The following NKAIN2 variants were observed in gnomAD, a reference collection of about 807,000 sequenced individuals.
The protein encoded by NKAIN2 is sodium/potassium transporting ATPase interacting 2.
In NKAIN2, 14 loss-of-function variants were observed where a neutral mutation model predicts 32.6. That is an observed-to-expected ratio of 0.43 (90% confidence interval 0.28 to 0.67). The LOEUF (loss-of-function observed/expected upper bound fraction) is 0.67. Ranked by LOEUF, NKAIN2 falls within the 30% of genes least tolerant of loss-of-function variation. The pLI, the probability that NKAIN2 is intolerant of heterozygous loss-of-function variation, is 0.17. For missense variants in NKAIN2, 198 were observed against 258.3 expected, an observed-to-expected ratio of 0.77 and a Z score of 1.60; for synonymous variants, 80 against 87.2, an observed-to-expected ratio of 0.92 and a Z score of 0.46.
At chr6:124,540,332 C>T (rs1324340387) in intron 3 of NKAIN2, among the ~76,000 whole-genome samples, 1 of 152,218 alleles carries the variant, frequency 6.6e-6, no homozygotes, top group Admixed American at 6.5e-5. Flanking sequence ...AATTAAGTCT[C>T]ATGGGTCTAC....
chr6:124,165,242 T>C (rs991685436), intron 1 of NKAIN2, among the ~76,000 whole-genome samples: 1 of 152,040 alleles, frequency 6.6e-6, no homozygotes, highest in African/African-American at 2.4e-5. Flanking sequence ...AGAAGCTTTC[T>C]TTAATAATAG....
chr6:123,950,959 A>G (rs981192742), intron 1 of NKAIN2, among the ~76,000 whole-genome samples: 1 of 151,898 alleles, frequency 6.6e-6, no homozygotes, highest in African/African-American at 2.4e-5. Flanking sequence ...CTGCACTTGT[A>G]TCTCATAGAT....
At chr6:124,780,057 A>G (rs1274729049) in intron 4 of NKAIN2, among the ~76,000 whole-genome samples, 4 of 152,178 alleles carry the variant, frequency 2.6e-5, no homozygotes, top group African/African-American at 9.6e-5. Context: ...AAAAAATATT[A>G]TATTATGCTC....
chr6:124,222,646 T>C (rs1254020466), intron 1 of NKAIN2, among the ~76,000 whole-genome samples: 1 of 152,078 alleles, frequency 6.6e-6, no homozygotes, highest in Non-Finnish European at 1.5e-5. Flanking sequence ...AACAGAACTC[T>C]GGTCACTCCC....
At chr6:123,997,146 AG>A (rs926833074) in intron 1 of NKAIN2, among the ~76,000 whole-genome samples, 1 of 152,188 alleles carries the variant, frequency 6.6e-6, no homozygotes, top group Admixed American at 6.5e-5. Flanking sequence ...CAGAAGATAA[AG>A]GTGTTAAGAA....
chr6:124,174,254 T>A (rs1338506510), intron 1 of NKAIN2, among the ~76,000 whole-genome samples: 1 of 152,094 alleles, frequency 6.6e-6, no homozygotes, highest in Non-Finnish European at 1.5e-5. Context: ...TGCCACAGAA[T>A]CCTGAATTTG....
intron 4 of NKAIN2, among the ~76,000 whole-genome samples, chr6:124,681,855 T>C (rs999051409): frequency 3.3e-5 from 5 of 151,868 alleles, no homozygotes; most frequent in Admixed American, 1.3e-4. Flanking sequence ...AAACCAGAAA[T>C]AGAAATAAAA....
intron 3 of NKAIN2, among the ~76,000 whole-genome samples, chr6:124,485,946 G>A (rs1237173217): frequency 6.6e-6 from 1 of 152,136 alleles, no homozygotes; most frequent in African/African-American, 2.4e-5. Flanking sequence ...TTCGAGGTGT[G>A]AATTTCTTTC....
intron 1 of NKAIN2, among the ~76,000 whole-genome samples, chr6:123,873,792 C>T (rs996706779): frequency 2.0e-5 from 3 of 152,070 alleles, no homozygotes; most frequent in African/African-American, 7.2e-5. Context: ...TTCGTTATGC[C>T]TATAATTATC....
At chr6:123,911,425 A>G (rs1775172357) in intron 1 of NKAIN2, among the ~76,000 whole-genome samples, 1 of 151,922 alleles carries the variant, frequency 6.6e-6, no homozygotes, top group South Asian at 2.1e-4. Flanking sequence ...AGACTCTTCA[A>G]CAACCAGCTC....
intron 3 of NKAIN2, among the ~76,000 whole-genome samples, chr6:124,481,096 G>A (rs1174392658): frequency 6.6e-6 from 1 of 151,732 alleles, no homozygotes; most frequent in Admixed American, 6.6e-5. Context: ...CAAAAGGAAT[G>A]GGGGAAATGA....
At chr6:124,508,404 G>T (rs569753682) in intron 3 of NKAIN2, among the ~76,000 whole-genome samples, 2 of 151,740 alleles carry the variant, frequency 1.3e-5, no homozygotes, top group African/African-American at 4.8e-5. Flanking sequence ...GAGTGCAGTG[G>T]CTTGATCTCG....
At chr6:124,201,734 G>T (rs2114627470) in intron 1 of NKAIN2, among the ~76,000 whole-genome samples, 1 of 152,070 alleles carries the variant, frequency 6.6e-6, no homozygotes, top group Admixed American at 6.6e-5. Context: ...AACATGTGCT[G>T]CAAAGATGGT....
At chr6:124,131,120 C>CA (rs1387339101) in intron 1 of NKAIN2, among the ~76,000 whole-genome samples, 1 of 152,066 alleles carries the variant, frequency 6.6e-6, no homozygotes. Flanking sequence ...CCACGAGAAA[C>CA]TTCTGAGTTG....
intron 1 of NKAIN2, among the ~76,000 whole-genome samples, chr6:124,118,588 A>G (rs1208032996): frequency 6.6e-6 from 1 of 152,160 alleles, no homozygotes; most frequent in Non-Finnish European, 1.5e-5. Context: ...TACAATAAAA[A>G]TTATTGTAGG....
intron 3 of NKAIN2, among the ~76,000 whole-genome samples, chr6:124,584,617 C>T (rs2114947369): frequency 6.8e-6 from 1 of 146,532 alleles, no homozygotes; most frequent in African/African-American, 2.5e-5. Flanking sequence ...CGTGTCATTG[C>T]ACTCCAGCCT....
At chr6:124,717,261 C>A (rs1350298570) in intron 4 of NKAIN2, among the ~76,000 whole-genome samples, 2 of 152,096 alleles carry the variant, frequency 1.3e-5, no homozygotes, top group Non-Finnish European at 2.9e-5. Context: ...GTTAATTACT[C>A]TCCTCTTCAT....
At chr6:123,845,685 C>T (rs908516150) in intron 1 of NKAIN2, among the ~76,000 whole-genome samples, 1 of 152,074 alleles carries the variant, frequency 6.6e-6, no homozygotes, top group Non-Finnish European at 1.5e-5. Flanking sequence ...TTTGTAGGTC[C>T]GACTGTAGGA....
rs145035546 is a variant in NKAIN2, at chr6:124,315,252, A to G, written c.192+32110A>G. Among the ~76,000 whole-genome samples, 542 of 152,250 alleles carry G rather than the reference A, an allele frequency of 3.6e-3. 6 individuals carry two copies. The highest frequency in any genetic ancestry group is 0.013 in the African/African-American group (522 of 41,570). On this transcript the variant is annotated intron_variant, in intron 2 of 6. Transcript: ENST00000368417. ...GGTTTGTAAACTAATCGATAAAGCC[A>G]TCCAACCCTCCCAGACACATGGCCA...
Sources: allele counts gnomAD v4.1 joint callset (sites outside exome capture counted in the v4.1 genomes callset), GRCh38; gene constraint gnomAD v4.1.1; transcripts MANE v1.5; gene names NCBI Gene and HGNC (gene_info 2026-07-23, HGNC 2026-07-21).